Variants in GRID2 observed in about 807,000 individuals in gnomAD.
GRID2 encodes glutamate receptor ionotropic, delta-2.
GRID2 carries 33 observed loss-of-function variants against 114.8 expected under a neutral mutation model. The ratio of observed to expected loss-of-function variants is 0.29; its 90% CI spans 0.22 to 0.38. The LOEUF (loss-of-function observed/expected upper bound fraction) is 0.38, where lower values mean the gene tolerates loss of function less well. Ranked by LOEUF, GRID2 falls within the 10% of genes least tolerant of loss-of-function variation. GRID2 has a pLI of 1.00. For synonymous variants in GRID2, 505 were observed against 449.9 expected, an observed-to-expected ratio of 1.12 and a Z score of -1.55; for missense variants, 1,184 against 1,257.7, an observed-to-expected ratio of 0.94 and a Z score of 0.89.
intron 10 of GRID2, among the ~76,000 whole-genome samples, chr4:93,446,022 C>T (rs1054227487): frequency 3.9e-5 from 6 of 151,948 alleles, no homozygotes; most frequent in Admixed American, 2.6e-4. Context: ...CTGTTTTTCA[C>T]GTGACCCTGA....
At chr4:93,783,801 GGTGGCTCAC>G (rs773579888) in intron 1 of GRID2, among the ~76,000 whole-genome samples, 2 of 151,846 alleles carry the variant, frequency 1.3e-5, no homozygotes, top group Non-Finnish European at 2.9e-5. Flanking sequence ...GGCCGGGCGC[GGTGGCTCAC>G]GCCTGTAATC....
intron 2 of GRID2, among the ~76,000 whole-genome samples, chr4:92,942,987 C>G (rs1365064687): frequency 6.6e-6 from 1 of 152,212 alleles, no homozygotes; most frequent in Non-Finnish European, 1.5e-5. Flanking sequence ...ACCTTTCTCT[C>G]TGGCTGCCCT....
intron 10 of GRID2, among the ~76,000 whole-genome samples, chr4:93,438,291 A>G (rs1376212044): frequency 6.6e-6 from 1 of 152,102 alleles, no homozygotes; most frequent in African/African-American, 2.4e-5. Flanking sequence ...TGCCATGGCA[A>G]CCCAGGGGCC....
chr4:93,541,324 C>G (rs1732633580), intron 13 of GRID2, among the ~76,000 whole-genome samples: 1 of 152,032 alleles, frequency 6.6e-6, no homozygotes, highest in Non-Finnish European at 1.5e-5. Context: ...TATAATGTTT[C>G]CCAGCAAAAC....
intron 10 of GRID2, among the ~76,000 whole-genome samples, chr4:93,447,205 T>C (rs1297818475): frequency 6.6e-6 from 1 of 152,014 alleles, no homozygotes; most frequent in African/African-American, 2.4e-5. Flanking sequence ...ATGTAAATTG[T>C]TTTTAAAACT....
In GRID2 at chr4:93,426,745, T is replaced by A. The variant is rs77683314; in HGVS notation, c.1545+3777T>A. ...AATGTACTATTTGCATGTAAGAGCA[T>A]GTCATTATTGTATGATAATTTATAG... On this transcript the variant is annotated intron_variant, in intron 10 of 15. Transcript: ENST00000282020. 6.3e-3 allele frequency among the ~76,000 whole-genome samples: 959 copies of A among 152,230 alleles called. 7 individuals are homozygous for A. Among genetic ancestry groups the A allele is most frequent in the African/African-American group, 0.022 (906 of 41,572 alleles).
chr4:93,592,637 G>C lies in GRID2; in HGVS notation c.2194-33632G>C, dbSNP rs1201353716. ...TGTTGACTTTCTGTCTCGTTGATCT[G>C]TCTAATGTTGACAGTGGGGTGTTAA... On this transcript the variant is annotated intron_variant, in intron 13 of 15. Transcript: ENST00000282020. Among the ~76,000 whole-genome samples the C allele has an allele frequency of 2.6e-5, 4 of 152,098 alleles. No homozygotes were observed. In the East Asian group the frequency reaches 7.7e-4, roughly 29 times the overall value.
At chr4:93,467,925 A>G (rs1285921141) in intron 11 of GRID2, among the ~76,000 whole-genome samples, 1 of 152,200 alleles carries the variant, frequency 6.6e-6, no homozygotes, top group Non-Finnish European at 1.5e-5. Context: ...TACCTGCATC[A>G]TCATAACATG....
intron 2 of GRID2, among the ~76,000 whole-genome samples, chr4:92,691,839 C>G (rs978254100): frequency 6.6e-6 from 1 of 151,982 alleles, no homozygotes; most frequent in Non-Finnish European, 1.5e-5. Flanking sequence ...TTACCACCCT[C>G]ATGTACTTAT....
chr4:93,285,140 A>G (rs1753012908), intron 8 of GRID2, among the ~76,000 whole-genome samples: 1 of 147,804 alleles, frequency 6.8e-6, no homozygotes. Flanking sequence ...AATAGGTAAT[A>G]CCTAGTTTTC....
At chr4:93,546,099 G>C (rs1733185396) in intron 13 of GRID2, among the ~76,000 whole-genome samples, 1 of 152,098 alleles carries the variant, frequency 6.6e-6, no homozygotes, top group Admixed American at 6.5e-5. Context: ...CTCTAAGAAA[G>C]ACCTGATAGT....
chr4:93,361,867 C>A (rs1050077940), intron 8 of GRID2, among the ~76,000 whole-genome samples: 1 of 151,984 alleles, frequency 6.6e-6, no homozygotes, highest in Non-Finnish European at 1.5e-5. Flanking sequence ...AGGAAACGTG[C>A]AGGATGTGCA....
intron 8 of GRID2, among the ~76,000 whole-genome samples, chr4:93,363,636 G>A (rs1270087604): frequency 1.3e-5 from 2 of 151,836 alleles, no homozygotes; most frequent in Non-Finnish European, 2.9e-5. Flanking sequence ...TTGTGACATA[G>A]AACATATGAA....
At chr4:93,204,273 A>G (rs12507496) in intron 4 of GRID2, among the ~76,000 whole-genome samples, 70,293 of 151,814 alleles carry the variant, frequency 0.46, 17,420 homozygotes, top group Middle Eastern at 0.67. Flanking sequence ...TGTTAACTTG[A>G]GGACCCAAAA....
chr4:92,499,030 G>A (rs1440505637), intron 1 of GRID2, among the ~76,000 whole-genome samples: 3 of 151,218 alleles, frequency 2.0e-5, no homozygotes, highest in African/African-American at 7.3e-5. Flanking sequence ...ATCAAATCTA[G>A]GGACAATCTT....
chr4:92,969,430 T>G (rs1753360452), intron 2 of GRID2, among the ~76,000 whole-genome samples: 1 of 151,770 alleles, frequency 6.6e-6, no homozygotes, highest in Non-Finnish European at 1.5e-5. Context: ...ATTTTACAAT[T>G]AAGAGAATGT....
chr4:93,510,203 C>T (rs1225577764), intron 12 of GRID2, among the ~76,000 whole-genome samples: 1 of 152,114 alleles, frequency 6.6e-6, no homozygotes, highest in East Asian at 1.9e-4. Flanking sequence ...CTTGTTCCAC[C>T]CCATAGAAAA....
At chr4:93,712,258 C>G (rs1409767095) in intron 14 of GRID2, among the ~76,000 whole-genome samples, 1 of 151,852 alleles carries the variant, frequency 6.6e-6, no homozygotes, top group African/African-American at 2.4e-5. Flanking sequence ...TATTTCTGTT[C>G]TTTTTCACAT....
intron 14 of GRID2, among the ~76,000 whole-genome samples, chr4:93,655,937 T>C (rs967162235): frequency 6.6e-6 from 1 of 151,942 alleles, no homozygotes; most frequent in Non-Finnish European, 1.5e-5. Context: ...TTCATTAGCA[T>C]AGTTTTCAAA....
Sources: allele counts gnomAD v4.1 joint callset (sites outside exome capture counted in the v4.1 genomes callset), GRCh38; gene constraint gnomAD v4.1.1; transcripts MANE v1.5; gene names NCBI Gene and HGNC (gene_info 2026-07-23, HGNC 2026-07-21).